Variants in DAB1 observed in about 807,000 individuals in gnomAD.
DAB1 encodes disabled homolog 1.
Under a neutral mutation model 64.6 loss-of-function variants are expected in DAB1, and 15 were observed. That is an observed-to-expected ratio of 0.23 (90% CI 0.16 to 0.36). The LOEUF is 0.36. Among genes scored for constraint, DAB1 ranks in the 10% least tolerant of loss-of-function variants. DAB1 has a pLI of 1.00. For synonymous variants in DAB1, 235 were observed against 251.9 expected, an observed-to-expected ratio of 0.93 and a Z score of 0.64; for missense variants, 596 against 706.7, an observed-to-expected ratio of 0.84 and a Z score of 1.78.
At chr1:58,485,995 T>C (rs1354527792) in intron 3 of DAB1, among the ~76,000 whole-genome samples, 1 of 152,186 alleles carries the variant, frequency 6.6e-6, no homozygotes, top group African/African-American at 2.4e-5. Context: ...AAGTTAAATA[T>C]AGAATTAGCC....
intron 9 of DAB1, among the ~76,000 whole-genome samples, chr1:57,052,912 T>C (rs942285030): frequency 6.6e-6 from 1 of 152,216 alleles, no homozygotes; most frequent in Non-Finnish European, 1.5e-5. Context: ...ACTCTCTCAT[T>C]ATACTACCGT....
At chr1:57,121,151 G>A (rs1209438218) in intron 4 of DAB1, among the ~76,000 whole-genome samples, 1 of 120,974 alleles carries the variant, frequency 8.3e-6, no homozygotes, top group Non-Finnish European at 1.8e-5. Context: ...GGAGGAGGAG[G>A]AGGAGGAGGA....
chr1:57,033,286 G>A, intron 9 of DAB1: 7 of 1,247,688 alleles, frequency 5.6e-6, no homozygotes, highest in Non-Finnish European at 8.2e-6. Context: ...GAGCAGAGCA[G>A]GGCAGGAAAT....
intron 4 of DAB1, among the ~76,000 whole-genome samples, chr1:57,094,254 C>T (rs1439445604): frequency 6.6e-6 from 1 of 152,040 alleles, no homozygotes; most frequent in African/African-American, 2.4e-5. Flanking sequence ...TCTCTGCTAC[C>T]AGCCAGGCAC....
At chr1:57,042,756 G>A (rs1647950598) in intron 9 of DAB1, among the ~76,000 whole-genome samples, 1 of 152,084 alleles carries the variant, frequency 6.6e-6, no homozygotes, top group Non-Finnish European at 1.5e-5. Flanking sequence ...CTTGGTGATA[G>A]CATGACATTA....
intron 5 of DAB1, among the ~76,000 whole-genome samples, chr1:58,051,802 C>T (rs556424825): frequency 1.4e-4 from 21 of 152,258 alleles, no homozygotes; most frequent in South Asian, 6.2e-4. Flanking sequence ...TGACCAGTGA[C>T]GATGAGCATT....
intron 4 of DAB1, among the ~76,000 whole-genome samples, chr1:58,276,533 G>A (rs1382927759): frequency 6.6e-6 from 1 of 152,108 alleles, no homozygotes; most frequent in African/African-American, 2.4e-5. Flanking sequence ...TAAAGCATAT[G>A]GGGGAGTAGT....
chr1:57,275,478 C>T (rs1176251515), intron 2 of DAB1, among the ~76,000 whole-genome samples: 1 of 152,142 alleles, frequency 6.6e-6, no homozygotes, highest in Non-Finnish European at 1.5e-5. Flanking sequence ...GTATTTTTAG[C>T]TGTTTAAAAT....
At chr1:57,044,231 T>C (rs1648173582) in intron 9 of DAB1, among the ~76,000 whole-genome samples, 1 of 152,222 alleles carries the variant, frequency 6.6e-6, no homozygotes, top group Non-Finnish European at 1.5e-5. Flanking sequence ...TCTGTTTCCT[T>C]TTCTGTTGGC....
At chr1:57,648,217 C>A (rs186636371) in intron 7 of DAB1, among the ~76,000 whole-genome samples, 1 of 152,250 alleles carries the variant, frequency 6.6e-6, no homozygotes, top group East Asian at 1.9e-4. Flanking sequence ...TTACAGGCTT[C>A]CCCTAGGTGT....
intron 2 of DAB1, among the ~76,000 whole-genome samples, chr1:58,515,478 A>G (rs1646145488): frequency 1.3e-5 from 2 of 152,308 alleles, no homozygotes; most frequent in South Asian, 4.1e-4. Flanking sequence ...GTAAAGTTTT[A>G]TCATAAGACT....
chr1:57,194,621 T>C (rs1664467048), intron 2 of DAB1, among the ~76,000 whole-genome samples: 1 of 152,134 alleles, frequency 6.6e-6, no homozygotes, highest in African/African-American at 2.4e-5. Context: ...CTGAGGTGTA[T>C]AAAATTCTTT....
chr1:58,456,301 A>T (rs1326804314), intron 3 of DAB1, among the ~76,000 whole-genome samples: 1 of 152,230 alleles, frequency 6.6e-6, no homozygotes, highest in East Asian at 1.9e-4. Flanking sequence ...CTCAGCTGGG[A>T]TTAGAACCTG....
chr1:57,126,541 TCA>T (rs1657142765), intron 4 of DAB1, among the ~76,000 whole-genome samples: 1 of 152,292 alleles, frequency 6.6e-6, no homozygotes, highest in Admixed American at 6.5e-5. Flanking sequence ...ATTAATGTTC[TCA>T]TAGTCCAAAG....
chr1:58,428,187 T>C (rs1429783784), intron 3 of DAB1, among the ~76,000 whole-genome samples: 1 of 152,218 alleles, frequency 6.6e-6, no homozygotes. Flanking sequence ...GATGAAATAT[T>C]GATGCTAGGC....
chr1:57,995,309 G>A (rs1039646573), intron 5 of DAB1, among the ~76,000 whole-genome samples: 1 of 152,172 alleles, frequency 6.6e-6, no homozygotes, highest in African/African-American at 2.4e-5. Context: ...GCTGTGCATT[G>A]TTAAAGGGAC....
intron 1 of DAB1, among the ~76,000 whole-genome samples, chr1:57,831,823 G>A (rs1268712907): frequency 3.3e-5 from 5 of 152,026 alleles, no homozygotes; most frequent in African/African-American, 7.2e-5. Context: ...GAATACAGGC[G>A]TGAGTCACCA....
At chr1:57,343,274 G>A (rs1375772661) in intron 1 of DAB1, among the ~76,000 whole-genome samples, 1 of 152,210 alleles carries the variant, frequency 6.6e-6, no homozygotes, top group African/African-American at 2.4e-5. Flanking sequence ...GCTGATTGGT[G>A]TGTTTACAAA....
rs1030574281 is a variant in DAB1, at chr1:58,363,966, C to T, written n.258-20563G>A. ...ACATATTTTCTGCCTTAAATAAGAG[C>T]GGAGGTAGGTAGCTCTACGCCTAGA... On this transcript the variant is annotated intron_variant and non_coding_transcript_variant, in intron 3 of 20. Coordinates refer to the DAB1 transcript ENST00000485760. 9.9e-5 allele frequency among the ~76,000 whole-genome samples: 15 copies of T among 152,174 alleles called. No individual in the cohort carries two copies. In the East Asian group the frequency reaches 2.7e-3, roughly 27 times the overall value.
Sources: allele counts gnomAD v4.1 joint callset (sites outside exome capture counted in the v4.1 genomes callset), GRCh38; gene constraint gnomAD v4.1.1; transcripts MANE v1.5; gene names NCBI Gene and HGNC (gene_info 2026-07-23, HGNC 2026-07-21).